The following RIMS1 variants were observed in gnomAD, a reference collection of about 807,000 sequenced individuals.
The protein encoded by RIMS1 is regulating synaptic membrane exocytosis protein 1.
RIMS1 carries 83 observed loss-of-function variants against 214.1 expected under a neutral mutation model. That is an observed-to-expected ratio of 0.39 (90% CI 0.32 to 0.47). RIMS1 has a LOEUF of 0.47. Among genes scored for constraint, RIMS1 ranks in the 20% least tolerant of loss-of-function variants. RIMS1 has a pLI of 0.99. For missense variants in RIMS1, 2,050 were observed against 2,161.8 expected (o/e 0.95, Z 1.03); for synonymous variants, 793 against 786.8 (o/e 1.01, Z -0.13).
chr6:72,376,315 T>C (rs2098377565), intron 29 of RIMS1, among the ~76,000 whole-genome samples: 1 of 152,182 alleles, frequency 6.6e-6, no homozygotes, highest in South Asian at 2.1e-4. Flanking sequence ...TGAGGAATAT[T>C]TTGTCTGGGT....
intron 2 of RIMS1, among the ~76,000 whole-genome samples, chr6:72,027,745 A>G (rs1290091963): frequency 6.6e-6 from 1 of 152,072 alleles, no homozygotes; most frequent in Admixed American, 6.6e-5. Flanking sequence ...TAATCCAATA[A>G]CAACAGTTTC....
At chr6:72,193,491 G>A (rs1220299168) in intron 6 of RIMS1, among the ~76,000 whole-genome samples, 1 of 152,146 alleles carries the variant, frequency 6.6e-6, no homozygotes, top group African/African-American at 2.4e-5. Flanking sequence ...TTTTATCACT[G>A]TAGCATGGAG....
At chr6:72,089,194 A>AGC (rs1835493269) in intron 2 of RIMS1, among the ~76,000 whole-genome samples, 1 of 152,202 alleles carries the variant, frequency 6.6e-6, no homozygotes, top group South Asian at 2.1e-4. Flanking sequence ...ACTCTCCTGC[A>AGC]GCTAGAATTC....
intron 6 of RIMS1, among the ~76,000 whole-genome samples, chr6:72,190,199 C>T (rs1337554153): frequency 6.6e-6 from 1 of 152,150 alleles, no homozygotes; most frequent in Non-Finnish European, 1.5e-5. Flanking sequence ...GAAGCTGGCT[C>T]ATGCCTGTAA....
chr6:72,289,648 A>G (rs541008725), intron 24 of RIMS1, among the ~76,000 whole-genome samples: 1 of 152,298 alleles, frequency 6.6e-6, no homozygotes, highest in South Asian at 2.1e-4. Context: ...TAGCTATAAA[A>G]ATCATTTTAC....
chr6:72,356,305 TA>T (rs560586187), intron 29 of RIMS1, among the ~76,000 whole-genome samples: 1,454 of 143,476 alleles, frequency 0.01, 17 homozygotes, highest in African/African-American at 0.026. Context: ...AAGGTAAGTT[TA>T]AAAAAAAAAA....
At position 72,313,495 on chromosome 6, in the gene RIMS1, T is replaced by G; in HGVS notation, c.3964-11T>G. The stretch of plus-strand genomic sequence containing the variant: ...TGATGGAGCTCACACTTTCTTGTTT[T>G]TAATCTTTAGTATAACATACATAAA... On this transcript the variant is annotated splice_polypyrimidine_tract_variant and intron_variant, in intron 27 of 33. Coordinates refer to ENST00000521978, the MANE Select transcript of RIMS1 (RefSeq NM_014989.7). 2 of 1,610,710 alleles carry G rather than the reference T, an allele frequency of 1.2e-6. No individual in the cohort carries two copies. The highest frequency in any genetic ancestry group is 1.7e-6 in the Non-Finnish European group (2 of 1,177,960).
At chr6:72,027,301 C>G (rs994045640) in intron 2 of RIMS1, among the ~76,000 whole-genome samples, 2 of 152,112 alleles carry the variant, frequency 1.3e-5, no homozygotes, top group African/African-American at 4.8e-5. Context: ...CCAAATAGGT[C>G]ATGTGGCCCT....
rs1379874140 is a variant in RIMS1 at position 72,096,949 on chromosome 6, G to A, written c.246G>A (p.Pro82=). ...NAENQPHQPS[P]RLHQQFESYK... ...TGCTACCATTTTCTCTTTTGCCTAG[G>A]AGATTGCATCAACAGTTTGAAAGCT... The change falls in exon 3 of 34, where the codon CCG becomes CCA. Residue 82 remains proline, a splice_region_variant and synonymous_variant. Transcript: ENST00000521978. 2 of 1,612,128 alleles carry A rather than the reference G, an allele frequency of 1.2e-6. No individual in the cohort carries two copies. Among genetic ancestry groups the A allele is most frequent in the African/African-American group, 2.7e-5 (2 of 74,902 alleles).
chr6:72,356,671 A>T lies in RIMS1; in HGVS notation c.4366+22836A>T, dbSNP rs898809374. Among the ~76,000 whole-genome samples, 12 of 152,154 alleles carry T rather than the reference A, an allele frequency of 7.9e-5. No homozygotes were observed. In the East Asian group the frequency reaches 1.7e-3, roughly 22 times the overall value. ...GCTACTCAGGAGGCTGAGGCAGGAG[A>T]ATCGCTTGAACCCCAGAGGCAGAGG... On this transcript the variant is annotated intron_variant, in intron 29 of 33. Coordinates refer to ENST00000521978, the MANE Select transcript of RIMS1 (RefSeq NM_014989.7).
chr6:72,258,358 C>A, intron 17 of RIMS1, 77 bp downstream of exon 17: 3 of 1,327,886 alleles, frequency 2.3e-6, no homozygotes, highest in Admixed American at 2.5e-5. Flanking sequence ...GCAAAACTAA[C>A]TGAAATGAAA....
intron 2 of RIMS1, among the ~76,000 whole-genome samples, chr6:72,010,314 T>C (rs1809921133): frequency 6.6e-6 from 1 of 152,192 alleles, no homozygotes; most frequent in African/African-American, 2.4e-5. Flanking sequence ...AAATTAGGTA[T>C]CGATGGGACA....
At chr6:71,961,720 A>C (rs1423657880) in intron 1 of RIMS1, among the ~76,000 whole-genome samples, 3 of 144,096 alleles carry the variant, frequency 2.1e-5, no homozygotes, top group Non-Finnish European at 4.6e-5. Context: ...CTTACTTCTC[A>C]GTGGATAGGT....
intron 29 of RIMS1, among the ~76,000 whole-genome samples, chr6:72,364,966 C>G (rs1196439231): frequency 6.6e-6 from 1 of 152,168 alleles, no homozygotes; most frequent in Non-Finnish European, 1.5e-5. Context: ...GGAGGTGCTT[C>G]CAGTAAGACA....
At chr6:72,255,259 A>G (rs867312558) in intron 16 of RIMS1, among the ~76,000 whole-genome samples, 6 of 152,214 alleles carry the variant, frequency 3.9e-5, no homozygotes, top group Non-Finnish European at 7.3e-5. Flanking sequence ...TGTTGGTTAC[A>G]AATTTGCGTC....
In RIMS1 at chr6:72,179,741, A is replaced by C. The variant is rs750286401; in HGVS notation, c.638A>C (p.Gln213Pro). ...EVPREKKARL[Q>P]ERSRSQTPLS... ...CCAAGAGAAAAGAAAGCACGACTCC[A>C]AGAGCGATCGCGGTCTCAGACACCC... Residue 213 changes from glutamine (Q) to proline (P), a missense_variant, in exon 5 of 34, where the codon CAA becomes CCA. Physicochemically the swap from Gln to Pro is moderately conservative, Grantham distance 76. Coordinates refer to ENST00000521978, the MANE Select transcript of RIMS1 (RefSeq NM_014989.7). 1 of 1,613,894 alleles carries C rather than the reference A, an allele frequency of 6.2e-7. No individual in the cohort carries two copies. Among genetic ancestry groups the C allele is most frequent in the South Asian group, 1.1e-5 (1 of 91,080 alleles).
intron 4 of RIMS1, among the ~76,000 whole-genome samples, chr6:72,118,978 A>G (rs529653712): frequency 1.3e-5 from 2 of 151,834 alleles, no homozygotes; most frequent in South Asian, 2.1e-4. Flanking sequence ...GGCCAGACCA[A>G]TCAGACAAGA....
chr6:72,321,502 G>T (rs112709063), intron 28 of RIMS1, among the ~76,000 whole-genome samples: 3 of 151,896 alleles, frequency 2.0e-5, no homozygotes, highest in South Asian at 2.1e-4. Flanking sequence ...AAACATTATC[G>T]GCTTGTTTAG....
At chr6:72,174,902 A>C (rs1270644780) in intron 4 of RIMS1, among the ~76,000 whole-genome samples, 1 of 152,180 alleles carries the variant, frequency 6.6e-6, no homozygotes, top group Non-Finnish European at 1.5e-5. Context: ...AAGGGAAATA[A>C]ATTTATGAAT....
Sources: gnomAD v4.1 joint callset for allele counts (sites outside exome capture counted in the v4.1 genomes callset) on GRCh38, gnomAD v4.1.1 for gene constraint, MANE v1.5 for transcripts, NCBI Gene and HGNC (gene_info 2026-07-23, HGNC 2026-07-21) for gene names.